The following CARMIL1 variants were observed in gnomAD, a reference collection of about 807,000 sequenced individuals.
CARMIL1 encodes the protein capping protein regulator and myosin 1 linker 1.
In CARMIL1, 90 loss-of-function variants were observed where a neutral mutation model predicts 177.1. That is an observed-to-expected ratio of 0.51 (90% CI 0.43 to 0.61). The LOEUF (loss-of-function observed/expected upper bound fraction) is 0.61, where lower values mean the gene tolerates loss of function less well. Ranked by LOEUF, CARMIL1 falls within the 20% of genes least tolerant of loss-of-function variation. The probability of loss-of-function intolerance (pLI) is 0.00; values close to 1 mark genes in which losing one functional copy is unlikely to be tolerated. For missense variants in CARMIL1, 1,380 were observed against 1,667.0 expected (o/e 0.83, Z 3.00); for synonymous variants, 577 against 606.2 (o/e 0.95, Z 0.71).
At chr6:25,471,076 A>T in intron 9 of CARMIL1, 93 bp from the exon 10 acceptor site, 1 of 716,656 alleles carries the variant, frequency 1.4e-6, no homozygotes, top group South Asian at 2.2e-5. Context: ...TGAATGTTTT[A>T]CTTAATTAAA....
At chr6:25,289,488 G>A (rs1000492266) in intron 2 of CARMIL1, among the ~76,000 whole-genome samples, 8 of 151,702 alleles carry the variant, frequency 5.3e-5, no homozygotes, top group Non-Finnish European at 7.4e-5. Flanking sequence ...TTCCCTTTTT[G>A]CAAAATTACA....
chr6:25,571,628 TG>T (rs1450803331), intron 29 of CARMIL1, among the ~76,000 whole-genome samples: 1 of 152,154 alleles, frequency 6.6e-6, no homozygotes, highest in African/African-American at 2.4e-5. Context: ...GGAGCACAGC[TG>T]GAAAGTCCCC....
intron 2 of CARMIL1, among the ~76,000 whole-genome samples, chr6:25,365,534 T>C (rs1789688014): frequency 6.6e-6 from 1 of 152,134 alleles, no homozygotes; most frequent in African/African-American, 2.4e-5. Context: ...GGAGAAGAAT[T>C]GCCGTCCGCC....
At chr6:25,341,946 G>A (rs1786988308) in intron 2 of CARMIL1, among the ~76,000 whole-genome samples, 1 of 152,214 alleles carries the variant, frequency 6.6e-6, no homozygotes, top group Non-Finnish European at 1.5e-5. Flanking sequence ...GGGCACAGGT[G>A]CACTTTGGTG....
intron 29 of CARMIL1, among the ~76,000 whole-genome samples, chr6:25,571,578 ATACTTTACAATTAG>A (rs58751436): frequency 1.0e-3 from 159 of 152,354 alleles, no homozygotes; most frequent in East Asian, 4.4e-3. Context: ...AAGGGAATTA[ATACTTTACAATTAG>A]TACTTTACAA....
chr6:25,519,356 A>G (rs1806320761), intron 22 of CARMIL1, among the ~76,000 whole-genome samples: 1 of 152,210 alleles, frequency 6.6e-6, no homozygotes, highest in South Asian at 2.1e-4. Context: ...GGTGGAGGAC[A>G]GAAGTCATCT....
chr6:25,480,002 CAG>C (rs1801939187), intron 11 of CARMIL1, among the ~76,000 whole-genome samples: 1 of 152,022 alleles, frequency 6.6e-6, no homozygotes, highest in Admixed American at 6.5e-5. Context: ...GTAGTGGTAA[CAG>C]AGAACATACA....
At chr6:25,517,228 T>C (rs1043346394) in intron 21 of CARMIL1, 119 bp from the exon 22 acceptor site, 3 of 674,966 alleles carry the variant, frequency 4.4e-6, no homozygotes, top group Non-Finnish European at 7.8e-6. Flanking sequence ...TATTCCTTGC[T>C]CACATAATGC....
intron 12 of CARMIL1, among the ~76,000 whole-genome samples, chr6:25,485,080 T>A (rs780459479): frequency 7.9e-5 from 12 of 152,118 alleles, no homozygotes; most frequent in Non-Finnish European, 1.3e-4. Flanking sequence ...TAATAATTCT[T>A]GATTATATTT....
chr6:25,567,545 T>C lies in CARMIL1; in HGVS notation c.2742+10695T>C, dbSNP rs182663091. Among the ~76,000 whole-genome samples, 5 of 152,324 alleles carry C rather than the reference T, an allele frequency of 3.3e-5. No homozygotes were observed. The East Asian group carries it at 9.7e-4, about 29-fold the overall frequency. ...TTGTGGTTAATCAGGCTGTACTTCTTGCCCTAACTTTGAATTGGATTGTTT... is the reference window on the plus strand; with the variant it reads ...TTGTGGTTAATCAGGCTGTACTTCTCGCCCTAACTTTGAATTGGATTGTTT... On this transcript the variant is annotated intron_variant, in intron 29 of 36. Transcript: ENST00000329474.
chr6:25,297,405 T>A (rs1425668791), intron 2 of CARMIL1, among the ~76,000 whole-genome samples: 3 of 152,246 alleles, frequency 2.0e-5, no homozygotes, highest in Admixed American at 1.3e-4. Context: ...TTCAACAGTT[T>A]GCCTTTCTAG....
chr6:25,557,561 G>C (rs928762380), intron 29 of CARMIL1, among the ~76,000 whole-genome samples: 1 of 151,976 alleles, frequency 6.6e-6, no homozygotes, highest in Non-Finnish European at 1.5e-5. Flanking sequence ...ATCATCCTCT[G>C]TATTCAATAT....
intron 22 of CARMIL1, among the ~76,000 whole-genome samples, chr6:25,518,553 G>A (rs150275364): frequency 1.5e-3 from 222 of 152,284 alleles, no homozygotes; most frequent in African/African-American, 4.7e-3. Flanking sequence ...GCCACTGCAT[G>A]ATTACAGACC....
chr6:25,415,374 G>T (rs1315503588), intron 2 of CARMIL1, among the ~76,000 whole-genome samples: 5 of 151,924 alleles, frequency 3.3e-5, no homozygotes, highest in Non-Finnish European at 2.9e-5. Flanking sequence ...CCCTGTCAGT[G>T]GCCTCTAGAA....
chr6:25,547,217 G>T (rs1809585066), intron 26 of CARMIL1, among the ~76,000 whole-genome samples: 1 of 152,110 alleles, frequency 6.6e-6, no homozygotes, highest in South Asian at 2.1e-4. Context: ...GGTAGGAAAA[G>T]TTATTGTTAC....
intron 2 of CARMIL1, among the ~76,000 whole-genome samples, chr6:25,332,790 C>CACACGCAT: frequency 7.1e-6 from 1 of 141,500 alleles, no homozygotes; most frequent in South Asian, 2.1e-4. Flanking sequence ...CACACACACA[C>CACACGCAT]ACTTCTTTTA....
At chr6:25,476,262 AGCT>A (rs775933705) in intron 11 of CARMIL1, among the ~76,000 whole-genome samples, 33 of 152,210 alleles carry the variant, frequency 2.2e-4, no homozygotes, top group Admixed American at 2.6e-4. Context: ...CCTTTTATCT[AGCT>A]GCGTCCCATT....
chr6:25,565,585 G>A (rs1811486500), intron 29 of CARMIL1, among the ~76,000 whole-genome samples: 1 of 152,092 alleles, frequency 6.6e-6, no homozygotes, highest in South Asian at 2.1e-4. Context: ...AGTGGCTCAC[G>A]CCTGTAATCC....
intron 36 of CARMIL1, among the ~76,000 whole-genome samples, chr6:25,619,146 G>A (rs552299556): frequency 1.5e-4 from 23 of 152,110 alleles, no homozygotes; most frequent in South Asian, 2.1e-4. Context: ...ATCTCCCTCC[G>A]CTTCCCCACC....
Sources: allele counts gnomAD v4.1 joint callset (sites outside exome capture counted in the v4.1 genomes callset), GRCh38; gene constraint gnomAD v4.1.1; transcripts MANE v1.5; gene names NCBI Gene and HGNC (gene_info 2026-07-23, HGNC 2026-07-21).